SEMA3D: variants seen among roughly 807,000 people sequenced by gnomAD.
The protein encoded by SEMA3D is semaphorin 3D.
SEMA3D carries 84 observed loss-of-function variants against 100.1 expected under a neutral mutation model. That is an observed-to-expected ratio of 0.84 (90% CI 0.70 to 1.01). The LOEUF is 1.01. Ranked by LOEUF, SEMA3D falls within the 50% of genes least tolerant of loss-of-function variation. The pLI is 0.00. For missense variants in SEMA3D, 875 were observed against 934.1 expected (o/e 0.94, Z 0.82); for synonymous variants, 312 against 320.7 (o/e 0.97, Z 0.29).
chr7:85,155,755 T>C (rs1433675787), intron 1 of SEMA3D, among the ~76,000 whole-genome samples: 2 of 152,190 alleles, frequency 1.3e-5, no homozygotes, highest in African/African-American at 2.4e-5. Flanking sequence ...TTATAAAACA[T>C]TTAATATTGC....
intron 2 of SEMA3D, among the ~76,000 whole-genome samples, chr7:85,123,042 G>T (rs545159571): frequency 1.5e-4 from 23 of 152,188 alleles, no homozygotes; most frequent in Middle Eastern, 3.4e-3. Flanking sequence ...AGCCATTAAG[G>T]GTGGGTAATT....
At chr7:85,118,257 C>A (rs180805278) in intron 3 of SEMA3D, among the ~76,000 whole-genome samples, 1 of 152,032 alleles carries the variant, frequency 6.6e-6, no homozygotes, top group Non-Finnish European at 1.5e-5. Context: ...CTTTTGATAT[C>A]GTTTTCTTTT....
upstream of SEMA3D, among the ~76,000 whole-genome samples, chr7:85,190,005 G>A (rs896769807): frequency 6.6e-6 from 1 of 152,146 alleles, no homozygotes; most frequent in Admixed American, 6.5e-5. Context: ...TAGACATATT[G>A]TAGGCTTCTC....
At chr7:85,037,150 T>C (rs1435747696) in intron 11 of SEMA3D, 117 bp from the exon 12 acceptor site, 27 of 926,606 alleles carry the variant, frequency 2.9e-5, no homozygotes, top group Non-Finnish European at 4.2e-5. Context: ...TTAAATTTGA[T>C]GGGTACTGTA....
At chr7:85,179,758 C>T (rs934657169) in intron 1 of SEMA3D, among the ~76,000 whole-genome samples, 3 of 151,474 alleles carry the variant, frequency 2.0e-5, no homozygotes, top group African/African-American at 7.3e-5. Context: ...GCCTCCTGGG[C>T]TCACACCATT....
intron 11 of SEMA3D, among the ~76,000 whole-genome samples, chr7:85,040,175 T>G (rs1271846277): frequency 6.6e-6 from 1 of 151,846 alleles, no homozygotes; most frequent in Non-Finnish European, 1.5e-5. Context: ...AGACTGGGTC[T>G]CACTATGTTG....
At chr7:85,231,481 T>C in the SEMA3D span, among the ~76,000 whole-genome samples, 4,243 of 105,548 alleles carry the variant, frequency 0.04, 124 homozygotes, top group South Asian at 0.1. Context: ...GGAGTCTCGC[T>C]CTGTCACCCA....
the SEMA3D span, among the ~76,000 whole-genome samples, chr7:85,246,353 T>C: frequency 1.3e-5 from 2 of 152,040 alleles, no homozygotes; most frequent in Non-Finnish European, 2.9e-5. Context: ...CAAAAAGCTA[T>C]AGAAAACTTT....
At chr7:85,122,008 C>T in intron 2 of SEMA3D, 77 bp from the exon 3 acceptor site, 1 of 663,092 alleles carries the variant, frequency 1.5e-6, no homozygotes, top group Admixed American at 3.5e-5. Flanking sequence ...AATACCATAT[C>T]ATCTCACTCT....
At chr7:85,227,710 A>G in the SEMA3D span, among the ~76,000 whole-genome samples, 3 of 152,288 alleles carry the variant, frequency 2.0e-5, no homozygotes, top group African/African-American at 7.2e-5. Context: ...TGCAGAAAAA[A>G]TTACATTCTT....
intron 4 of SEMA3D, among the ~76,000 whole-genome samples, chr7:85,083,615 C>A (rs1017428866): frequency 1.1e-4 from 17 of 151,484 alleles, no homozygotes; most frequent in Non-Finnish European, 2.1e-4. Context: ...GAGGCCGAGG[C>A]GGGCGGATCA....
intron 11 of SEMA3D, among the ~76,000 whole-genome samples, chr7:85,038,303 G>T (rs1359570618): frequency 6.6e-6 from 1 of 152,200 alleles, no homozygotes. Flanking sequence ...GGGAACCTTT[G>T]AGAGGTAATG....
At position 85,015,175 on chromosome 7, in the gene SEMA3D, G is replaced by C; in HGVS notation, c.1587C>G (p.Leu529=). 6.2e-7 allele frequency: 1 copy of C among 1,611,584 alleles called. No homozygotes were observed. Residue 529 remains leucine (L), a synonymous_variant, in exon 16 of 19, where the codon CTC becomes CTG. Transcript: ENST00000284136. ...CATAAGTGTCGCATCTGTGCAAGGA[G>C]AGCTGAACCAATCCATCTCGGGAAC... ...YIGSRDGLVQ[L]SLHRCDTYGK...
intron 2 of SEMA3D, chr7:85,151,600 TG>T: frequency 5.2e-4 from 8 of 15,460 alleles, no homozygotes; most frequent in Non-Finnish European, 7.2e-4. Context: ...TGTGTATGCG[TG>T]TGTGTGTGTG....
chr7:85,214,956 G>C, the SEMA3D span, among the ~76,000 whole-genome samples: 1 of 151,938 alleles, frequency 6.6e-6, no homozygotes, highest in Non-Finnish European at 1.5e-5. Flanking sequence ...TTTTCCTATA[G>C]AAAGAGTAGG....
chr7:85,137,008 G>C (rs1019224222), intron 2 of SEMA3D, among the ~76,000 whole-genome samples: 7 of 151,964 alleles, frequency 4.6e-5, no homozygotes, highest in Admixed American at 2.0e-4. Flanking sequence ...GACTTATGTA[G>C]TTTTAGCCAA....
the SEMA3D span, among the ~76,000 whole-genome samples, chr7:85,231,065 C>T: frequency 5.3e-5 from 8 of 152,060 alleles, no homozygotes; most frequent in African/African-American, 1.9e-4. Flanking sequence ...TTTCTTAAAA[C>T]GTTCTTTTCT....
intron 1 of SEMA3D, among the ~76,000 whole-genome samples, chr7:85,171,165 G>A (rs1027585874): frequency 5.9e-5 from 9 of 152,016 alleles, no homozygotes; most frequent in Admixed American, 1.3e-4. Context: ...GAGACGGCAC[G>A]TGGTGAAATC....
intron 1 of SEMA3D, chr7:85,181,700 AG>A: frequency 2.9e-6 from 2 of 700,358 alleles, no homozygotes; most frequent in Non-Finnish European, 3.5e-6. Flanking sequence ...TGGAAAAAGG[AG>A]GGGAGAAAAA....
Sources: gnomAD v4.1 joint callset for allele counts (sites outside exome capture counted in the v4.1 genomes callset) on GRCh38, gnomAD v4.1.1 for gene constraint, MANE v1.5 for transcripts, NCBI Gene and HGNC (gene_info 2026-07-23, HGNC 2026-07-21) for gene names.